The following TTC17 variants were observed in gnomAD, a reference collection of about 807,000 sequenced individuals.
TTC17 encodes the protein tetratricopeptide repeat domain 17.
A neutral mutation model predicts 143.8 loss-of-function variants in TTC17; 58 were observed. That is an observed-to-expected ratio of 0.40 (90% CI 0.33 to 0.50). The LOEUF (loss-of-function observed/expected upper bound fraction) is 0.50, where lower values mean the gene tolerates loss of function less well. TTC17 is among the 20% of genes least tolerant of loss of function. The pLI, the probability that TTC17 is intolerant of heterozygous loss-of-function variation, is 0.49. For missense variants in TTC17, 1,273 were observed against 1,392.5 expected, an observed-to-expected ratio of 0.91 and a Z score of 1.37; for synonymous variants, 501 against 497.8, an observed-to-expected ratio of 1.01 and a Z score of -0.09.
chr11:43,422,922 C>T (rs895574243), intron 16 of TTC17, among the ~76,000 whole-genome samples: 2 of 152,078 alleles, frequency 1.3e-5, no homozygotes, highest in South Asian at 4.2e-4. Flanking sequence ...AAATAGAAAG[C>T]CCTGCAGCAT....
At chr11:43,360,324 A>AAT (rs549638518) in intron 1 of TTC17, among the ~76,000 whole-genome samples, 3 of 152,246 alleles carry the variant, frequency 2.0e-5, no homozygotes, top group Non-Finnish European at 4.4e-5. Context: ...GACATACATA[A>AAT]AGAACAGTTT....
At chr11:43,397,303 C>T (rs1243680501) in intron 6 of TTC17, 44 bp from the exon 7 acceptor site, 1 of 1,559,294 alleles carries the variant, frequency 6.4e-7, no homozygotes, top group South Asian at 1.2e-5. Flanking sequence ...TTTTCCTTGT[C>T]AAGTGGTTCT....
chr11:43,408,904 G>A (rs765675246), intron 15 of TTC17, among the ~76,000 whole-genome samples: 1 of 152,118 alleles, frequency 6.6e-6, no homozygotes, highest in Admixed American at 6.6e-5. Context: ...ACTGCGTATG[G>A]CTGAATTTTG....
At chr11:43,373,550 C>T (rs1286203146) in intron 1 of TTC17, among the ~76,000 whole-genome samples, 3 of 152,048 alleles carry the variant, frequency 2.0e-5, no homozygotes, top group Non-Finnish European at 4.4e-5. Context: ...GTCTCGATCT[C>T]CTGACCTCAT....
chr11:43,439,312 C>G (rs1261906789), intron 16 of TTC17, among the ~76,000 whole-genome samples: 5 of 152,070 alleles, frequency 3.3e-5, no homozygotes, highest in African/African-American at 1.2e-4. Context: ...GTACTTTTGC[C>G]AAGTATATTT....
intron 21 of TTC17, among the ~76,000 whole-genome samples, chr11:43,476,968 A>C (rs911047661): frequency 1.3e-5 from 2 of 152,094 alleles, no homozygotes; most frequent in African/African-American, 4.8e-5. Context: ...TTCCCCTATA[A>C]AACTGAATGC....
intron 16 of TTC17, among the ~76,000 whole-genome samples, chr11:43,423,794 G>A (rs1046595104): frequency 1.3e-5 from 2 of 152,128 alleles, no homozygotes; most frequent in East Asian, 1.9e-4. Flanking sequence ...AATCATGATA[G>A]TAATTGGTAA....
chr11:43,444,722 TACACACACACACACACACACACAC>T (rs10638143), intron 18 of TTC17, among the ~76,000 whole-genome samples: 1 of 143,554 alleles, frequency 7.0e-6, no homozygotes, highest in Non-Finnish European at 1.5e-5. Context: ...ACCAAATACA[TACACACACACACACACACACACAC>T]ACACACACAC....
intron 20 of TTC17, 86 bp from the exon 21 acceptor site, chr11:43,451,096 G>A (rs1947648432): frequency 7.6e-7 from 1 of 1,315,970 alleles, no homozygotes; most frequent in Non-Finnish European, 1.1e-6. Flanking sequence ...TGCCTCTGTG[G>A]TACAGTGCCC....
At chr11:43,385,572 A>G (rs965980895) in intron 2 of TTC17, 1 of 152,168 alleles carries the variant, frequency 6.6e-6, no homozygotes, top group Non-Finnish European at 1.5e-5. Context: ...ATATGAATTT[A>G]TAGAAAAATG....
In TTC17 at chr11:43,406,029, T is replaced by A. The variant is rs932300285; in HGVS notation, c.1761+78T>A. 1.1e-5 allele frequency: 16 copies of A among 1,464,176 alleles called. No individual in the cohort carries two copies. In the South Asian group the frequency reaches 2.2e-4, roughly 20 times the overall value. The allele number at this position is 1,464,176 out of a possible 1,614,324, so 90.7% of individuals were successfully genotyped here. A position where few individuals can be genotyped will look rare whatever the true frequency, so the allele number is the denominator to read the frequency against. ...AAGCCTCTTAAATGGAACAAAAAATTGATAGAAGGTAGCTGTTGAGCTTTA... is the reference window on the plus strand; with the variant it reads ...AAGCCTCTTAAATGGAACAAAAAATAGATAGAAGGTAGCTGTTGAGCTTTA... On this transcript the variant is annotated intron_variant, in intron 13 of 23. Transcript: ENST00000039989.
In TTC17 at chr11:43,391,498, C is replaced by T. The variant is rs755340660; in HGVS notation, c.453C>T (p.Val151=). The part of the protein sequence containing the change: ...PEDYIDTESP[V]PPDPEQPDCT... ...ATTATATAGACACAGAATCTCCTGT[C>T]CCTCCAGACCCAGAGCAACCTGATT... Residue 151 remains valine, a synonymous_variant, in exon 4 of 24, where the codon GTC becomes GTT. Transcript: ENST00000039989. 1.2e-6 allele frequency: 2 copies of T among 1,607,400 alleles called. No individual in the cohort carries two copies.
chr11:43,407,098 G>A lies in TTC17; in HGVS notation c.1762-40G>A, dbSNP rs780642347. 8.5e-6 allele frequency: 12 copies of A among 1,408,248 alleles called. No individual in the cohort carries two copies. In the African/African-American group the frequency reaches 1.2e-4, roughly 14 times the overall value. 87.2% of individuals were successfully genotyped at this position (1,408,248 alleles called of 1,614,324 possible). On this transcript the variant is annotated intron_variant, in intron 13 of 23. Coordinates refer to ENST00000039989, the MANE Select transcript of TTC17 (RefSeq NM_018259.6). Reference sequence around the variant, plus strand: ...GAAATTCTTTTCAAATGTCTTCCCTGTTATTTTCAATTGAGTCAGTCTTCC... The same window carrying A: ...GAAATTCTTTTCAAATGTCTTCCCTATTATTTTCAATTGAGTCAGTCTTCC...
chr11:43,420,880 A>T (rs1342783822), intron 16 of TTC17, among the ~76,000 whole-genome samples: 2 of 152,208 alleles, frequency 1.3e-5, no homozygotes, highest in Non-Finnish European at 2.9e-5. Flanking sequence ...AGCCTTGCCA[A>T]ATAATACTTA....
chr11:43,364,373 T>G (rs1856246335), intron 1 of TTC17, among the ~76,000 whole-genome samples: 1 of 152,108 alleles, frequency 6.6e-6, no homozygotes, highest in Non-Finnish European at 1.5e-5. Flanking sequence ...AGCTTGTAAG[T>G]GAAGGCCTGG....
chr11:43,450,337 A>T, intron 20 of TTC17, 96 bp downstream of exon 20: 5 of 1,378,310 alleles, frequency 3.6e-6, no homozygotes, highest in Non-Finnish European at 4.8e-6. Flanking sequence ...GCCTTTTAAA[A>T]AAAAATAGGG....
chr11:43,484,885 T>C (rs1948353287), intron 21 of TTC17, among the ~76,000 whole-genome samples: 1 of 151,938 alleles, frequency 6.6e-6, no homozygotes, highest in Non-Finnish European at 1.5e-5. Context: ...TTACAGCCAC[T>C]CCCCATCGCT....
chr11:43,380,079 A>G lies in TTC17; in HGVS notation c.249+757A>G, dbSNP rs774255609. On this transcript the variant is annotated intron_variant, in intron 2 of 23. Coordinates refer to ENST00000039989, the MANE Select transcript of TTC17 (RefSeq NM_018259.6). The stretch of plus-strand genomic sequence containing the variant: ...TGGGAATAATAAAAGTAATAAAAGT[A>G]GAATCAGAGTATTTGAGAATTAGAA... Among the ~76,000 whole-genome samples, 64 of 152,330 alleles carry G rather than the reference A, an allele frequency of 4.2e-4. 1 individual carries two copies. Among genetic ancestry groups the G allele is most frequent in the Non-Finnish European group, 8.8e-4 (60 of 68,020 alleles).
At chr11:43,460,312 T>C (rs1947841570) in intron 21 of TTC17, among the ~76,000 whole-genome samples, 1 of 152,206 alleles carries the variant, frequency 6.6e-6, no homozygotes, top group Admixed American at 6.5e-5. Flanking sequence ...GCATTTTTCC[T>C]GGAAACCTTA....
Sources: allele counts gnomAD v4.1 joint callset (sites outside exome capture counted in the v4.1 genomes callset), GRCh38; gene constraint gnomAD v4.1.1; transcripts MANE v1.5; gene names NCBI Gene and HGNC (gene_info 2026-07-23, HGNC 2026-07-21).